SASH1: variants seen among roughly 807,000 people sequenced by gnomAD.
SASH1 encodes the protein SAM and SH3 domain containing 1, also known as SAM and SH3 domain-containing protein 1.
SASH1 carries 44 observed loss-of-function variants against 125.2 expected under a neutral mutation model. That is an observed-to-expected ratio of 0.35 (90% CI 0.28 to 0.45). The LOEUF (loss-of-function observed/expected upper bound fraction) is 0.45. Among genes scored for constraint, SASH1 ranks in the 20% least tolerant of loss-of-function variants. The probability of loss-of-function intolerance (pLI) is 1.00; values close to 1 mark genes in which losing one functional copy is unlikely to be tolerated. For missense variants in SASH1, 1,426 were observed against 1,614.5 expected, an observed-to-expected ratio of 0.88 and a Z score of 2.00; for synonymous variants, 639 against 649.1, an observed-to-expected ratio of 0.98 and a Z score of 0.24.
the SASH1 span, among the ~76,000 whole-genome samples, chr6:148,193,959 G>C: frequency 6.6e-6 from 1 of 152,106 alleles, no homozygotes; most frequent in Non-Finnish European, 1.5e-5. Flanking sequence ...GCATTTCTTG[G>C]AACTCTGTGT....
chr6:148,286,468 G>C (rs1200014947), intron 1 of SASH1, among the ~76,000 whole-genome samples: 4 of 152,108 alleles, frequency 2.6e-5, no homozygotes, highest in South Asian at 2.1e-4. Context: ...ACAAACTGGG[G>C]TGGTGGAGTG....
At chr6:148,540,596 G>A (rs1407714852) in intron 17 of SASH1, 40 bp downstream of exon 17, 10 of 1,449,848 alleles carry the variant, frequency 6.9e-6, no homozygotes, top group Non-Finnish European at 9.6e-6. Context: ...GCTTTGACAA[G>A]TACTGATTTC....
intron 2 of SASH1, among the ~76,000 whole-genome samples, chr6:148,409,441 T>C (rs1259496420): frequency 1.3e-5 from 2 of 152,260 alleles, no homozygotes; most frequent in African/African-American, 2.4e-5. Flanking sequence ...CTCTGAAAGC[T>C]GCCATCCATA....
the SASH1 span, among the ~76,000 whole-genome samples, chr6:148,219,061 T>C: frequency 6.6e-6 from 1 of 152,332 alleles, no homozygotes; most frequent in South Asian, 2.1e-4. Context: ...GGAGCCAGGA[T>C]TGGCCTTGGT....
At chr6:148,537,830 G>GTGTGTGTGGT (rs1781954626) in intron 16 of SASH1, among the ~76,000 whole-genome samples, 1 of 140,904 alleles carries the variant, frequency 7.1e-6, no homozygotes, top group East Asian at 2.1e-4. Context: ...GTGTGTGTGT[G>GTGTGTGTGGT]TGGTTGGTGA....
upstream of SASH1, among the ~76,000 whole-genome samples, chr6:148,339,647 C>T (rs1411968025): frequency 4.6e-5 from 7 of 151,656 alleles, no homozygotes; most frequent in African/African-American, 7.3e-5. Flanking sequence ...CAGGTTTAAG[C>T]GATTCTCCTG....
At chr6:148,390,560 G>C (rs1783661875) in intron 2 of SASH1, among the ~76,000 whole-genome samples, 1 of 152,328 alleles carries the variant, frequency 6.6e-6, no homozygotes, top group African/African-American at 2.4e-5. Context: ...GCCCAGGCGG[G>C]CGGATCACGA....
At chr6:148,347,136 A>G (rs913301908) in intron 1 of SASH1, among the ~76,000 whole-genome samples, 12 of 152,126 alleles carry the variant, frequency 7.9e-5, no homozygotes, top group African/African-American at 2.7e-4. Flanking sequence ...TGATTTATCC[A>G]TTTGGTAAAT....
chr6:148,457,526 C>G (rs146701781), intron 4 of SASH1, among the ~76,000 whole-genome samples: 6 of 152,286 alleles, frequency 3.9e-5, no homozygotes, highest in Admixed American at 6.5e-5. Context: ...TATAAAGACT[C>G]TAGGCCAGAA....
intron 4 of SASH1, 112 bp from the exon 5 acceptor site, chr6:148,468,433 T>A: frequency 1.3e-6 from 1 of 748,074 alleles, no homozygotes. Flanking sequence ...CTATAACAAT[T>A]TCCCTGGCTG....
chr6:148,401,313 A>T (rs114866819), intron 2 of SASH1, among the ~76,000 whole-genome samples: 1 of 152,096 alleles, frequency 6.6e-6, no homozygotes, highest in Non-Finnish European at 1.5e-5. Context: ...CAACTATTCA[A>T]TATCAGGAAG....
intron 1 of SASH1, among the ~76,000 whole-genome samples, chr6:148,363,003 T>G (rs1583025571): frequency 1.3e-5 from 2 of 152,200 alleles, no homozygotes; most frequent in South Asian, 4.1e-4. Context: ...AAAGTTGTAG[T>G]GCAGCATAGA....
rs555890175 is a variant in SASH1, at chr6:148,425,063, G to A, written c.286-15121G>A. Among the ~76,000 whole-genome samples the A allele has an allele frequency of 4.6e-5, 7 of 152,204 alleles. 1 individual carries two copies. The South Asian group carries it at 1.5e-3, about 32-fold the overall frequency. On this transcript the variant is annotated intron_variant, in intron 2 of 19. Coordinates refer to ENST00000367467, the MANE Select transcript of SASH1 (RefSeq NM_015278.5). ...CAGGATGGGTGATGTGTACTTCAGCGGCATACTTGGTCATCATGGTCAAGG... is the reference window on the plus strand; with the variant it reads ...CAGGATGGGTGATGTGTACTTCAGCAGCATACTTGGTCATCATGGTCAAGG...
rs918429490 is a variant in SASH1 at position 148,550,653 on chromosome 6, G to A, written c.*2095G>A. The A allele has an allele frequency of 3.3e-5, 5 of 152,196 alleles. No individual in the cohort carries two copies. Among genetic ancestry groups the A allele is most frequent in the Non-Finnish European group, 5.9e-5 (4 of 68,032 alleles). 9.4% of individuals were successfully genotyped at this position (152,196 alleles called of 1,614,324 possible). ...ATGTTTGTTTGTCCTCTCGGGTTGT[G>A]GCCTAGCCTATTTGCAATGTAATGA... On this transcript the variant is annotated 3_prime_UTR_variant, in exon 20 of 20. Coordinates refer to ENST00000367467, the MANE Select transcript of SASH1 (RefSeq NM_015278.5).
chr6:148,326,343 T>C (rs1429969099), intron 1 of SASH1, among the ~76,000 whole-genome samples: 9 of 88,546 alleles, frequency 1.0e-4, no homozygotes, highest in East Asian at 9.1e-4. Flanking sequence ...TATATATATA[T>C]ATATATATAT....
At chr6:148,231,521 G>A in the SASH1 span, among the ~76,000 whole-genome samples, 54 of 152,286 alleles carry the variant, frequency 3.5e-4, no homozygotes, top group African/African-American at 1.2e-3. Context: ...TTCATAAAGT[G>A]GAGTGGATCC....
the SASH1 span, among the ~76,000 whole-genome samples, chr6:148,223,669 G>T: frequency 6.6e-6 from 1 of 152,278 alleles, no homozygotes; most frequent in East Asian, 1.9e-4. Context: ...TATATGCAAT[G>T]AGATAAAACA....
At chr6:148,281,368 A>G (rs1779336841) in intron 1 of SASH1, among the ~76,000 whole-genome samples, 1 of 152,112 alleles carries the variant, frequency 6.6e-6, no homozygotes, top group Non-Finnish European at 1.5e-5. Context: ...GATGGACTAG[A>G]AACATAGAAG....
chr6:148,257,662 C>T, the SASH1 span, among the ~76,000 whole-genome samples: 1 of 140,072 alleles, frequency 7.1e-6, no homozygotes, highest in African/African-American at 2.7e-5. Flanking sequence ...GACGGAGTCT[C>T]ACTCTGTCGC....
Sources: allele counts gnomAD v4.1 joint callset (sites outside exome capture counted in the v4.1 genomes callset), GRCh38; gene constraint gnomAD v4.1.1; transcripts MANE v1.5; gene names NCBI Gene and HGNC (gene_info 2026-07-23, HGNC 2026-07-21).